The following NRXN1 variants were observed in gnomAD, a reference collection of about 807,000 sequenced individuals.
NRXN1 encodes the protein neurexin-1.
NRXN1 carries 39 observed loss-of-function variants against 150.9 expected under a neutral mutation model. The observed-to-expected ratio is 0.26, with a 90% CI of 0.20 to 0.34. The LOEUF is 0.34. Among genes scored for constraint, NRXN1 ranks in the 10% least tolerant of loss-of-function variants. The pLI, the probability that NRXN1 is intolerant of heterozygous loss-of-function variation, is 1.00. For missense variants in NRXN1, 1,815 were observed against 1,949.9 expected (o/e 0.93, Z 1.30); for synonymous variants, 924 against 757.0 (o/e 1.22, Z -3.62).
At chr2:50,101,418 C>G (rs1700965832) in intron 18 of NRXN1, among the ~76,000 whole-genome samples, 1 of 151,984 alleles carries the variant, frequency 6.6e-6, no homozygotes, top group East Asian at 1.9e-4. Flanking sequence ...TTGTGGATTT[C>G]ATTTACTTGT....
intron 19 of NRXN1, among the ~76,000 whole-genome samples, chr2:50,078,210 A>G (rs934053289): frequency 1.3e-5 from 2 of 152,088 alleles, no homozygotes; most frequent in African/African-American, 2.4e-5. Context: ...GAATAAATCT[A>G]CTTTTCCAAT....
intron 2 of NRXN1, among the ~76,000 whole-genome samples, chr2:51,011,655 A>G (rs922993948): frequency 2.0e-5 from 3 of 152,072 alleles, no homozygotes; most frequent in Non-Finnish European, 4.4e-5. Flanking sequence ...ATAAATAATG[A>G]CTGGCTTAGA....
intron 12 of NRXN1, among the ~76,000 whole-genome samples, chr2:50,527,074 T>C (rs1445460082): frequency 6.6e-6 from 1 of 152,236 alleles, no homozygotes; most frequent in Admixed American, 6.5e-5. Flanking sequence ...TGCATAGTTA[T>C]ATTTTGTAAA....
chr2:50,620,937 G>T, intron 7 of NRXN1: 1 of 366,390 alleles, frequency 2.7e-6, no homozygotes. Flanking sequence ...ACTCGGGCCA[G>T]CCACCATTTT....
intron 8 of NRXN1, among the ~76,000 whole-genome samples, chr2:50,563,690 T>C (rs1669449272): frequency 6.6e-6 from 1 of 152,224 alleles, no homozygotes; most frequent in East Asian, 1.9e-4. Flanking sequence ...CTCCAGAGCC[T>C]GAAATGGACT....
chr2:50,251,927 AT>A (rs1306870732), intron 17 of NRXN1, among the ~76,000 whole-genome samples: 2 of 152,002 alleles, frequency 1.3e-5, no homozygotes, highest in African/African-American at 4.8e-5. Flanking sequence ...TAGATTCTGG[AT>A]ATTAGACCTT....
chr2:50,452,940 A>T (rs1558757709), intron 17 of NRXN1, among the ~76,000 whole-genome samples: 1 of 152,244 alleles, frequency 6.6e-6, no homozygotes, highest in Non-Finnish European at 1.5e-5. Context: ...TAATGAGAAC[A>T]GGAACTTTTC....
intron 16 of NRXN1, among the ~76,000 whole-genome samples, chr2:50,467,895 C>T (rs2089069500): frequency 1.3e-5 from 2 of 151,532 alleles, no homozygotes; most frequent in East Asian, 1.9e-4. Flanking sequence ...GAAATAAGAA[C>T]CACTTAATTG....
chr2:49,989,143 A>T (rs192879607), intron 21 of NRXN1, among the ~76,000 whole-genome samples: 1 of 152,322 alleles, frequency 6.6e-6, no homozygotes, highest in East Asian at 1.9e-4. Flanking sequence ...TGAAAATCCA[A>T]GTCCAATGGC....
At chr2:49,999,581 A>G (rs1220193847) in intron 21 of NRXN1, among the ~76,000 whole-genome samples, 1 of 152,172 alleles carries the variant, frequency 6.6e-6, no homozygotes, top group Non-Finnish European at 1.5e-5. Context: ...TCAATTTTTC[A>G]AATAAGTAAT....
intron 17 of NRXN1, among the ~76,000 whole-genome samples, chr2:50,367,338 A>G (rs781268946): frequency 1.3e-5 from 2 of 152,072 alleles, no homozygotes; most frequent in African/African-American, 2.4e-5. Flanking sequence ...CACACTTTCA[A>G]CCAGGAGGTA....
At chr2:50,646,305 C>A (rs1684807911) in intron 5 of NRXN1, among the ~76,000 whole-genome samples, 1 of 152,022 alleles carries the variant, frequency 6.6e-6, no homozygotes, top group Non-Finnish European at 1.5e-5. Context: ...TTAGAACTTT[C>A]CTGAACTTTT....
chr2:50,097,461 T>A (rs1382122945), intron 18 of NRXN1, among the ~76,000 whole-genome samples: 1 of 152,164 alleles, frequency 6.6e-6, no homozygotes, highest in Non-Finnish European at 1.5e-5. Context: ...GTGAATGGAA[T>A]GTTTTGCTTC....
At chr2:50,483,596 T>C (rs2090640863) in intron 15 of NRXN1, among the ~76,000 whole-genome samples, 1 of 152,170 alleles carries the variant, frequency 6.6e-6, no homozygotes. Context: ...GTGGTTATTA[T>C]TATCCCTACC....
chr2:50,273,408 A>C lies in NRXN1; in HGVS notation c.3365-36438T>G, dbSNP rs371533387. On this transcript the variant is annotated intron_variant, in intron 17 of 22. Transcript: ENST00000401669. ...ACTTTCTTTTATTTGTCTATGTCTT[A>C]ACCCAAAACTCATGCAAAATTTTCC... Among the ~76,000 whole-genome samples the C allele has an allele frequency of 2.2e-4, 33 of 152,298 alleles. No individual in the cohort carries two copies. The East Asian group carries it at 4.4e-3, about 20-fold the overall frequency.
chr2:50,401,030 G>C (rs184809990), intron 17 of NRXN1, among the ~76,000 whole-genome samples: 27 of 152,106 alleles, frequency 1.8e-4, no homozygotes, highest in African/African-American at 6.5e-4. Context: ...AAATATTGTG[G>C]ACCTTTTCTG....
At chr2:50,699,847 T>C (rs1018121434) in intron 5 of NRXN1, among the ~76,000 whole-genome samples, 3 of 152,136 alleles carry the variant, frequency 2.0e-5, no homozygotes, top group African/African-American at 7.2e-5. Flanking sequence ...TGGCTATTTT[T>C]ACAGCAACCA....
intron 18 of NRXN1, among the ~76,000 whole-genome samples, chr2:50,226,371 T>G (rs1559128148): frequency 6.6e-6 from 1 of 151,926 alleles, no homozygotes; most frequent in Non-Finnish European, 1.5e-5. Context: ...AATGTGCCAG[T>G]AGAATAATGA....
chr2:50,358,629 G>T (rs1040737143), intron 17 of NRXN1, among the ~76,000 whole-genome samples: 11 of 152,218 alleles, frequency 7.2e-5, no homozygotes, highest in Admixed American at 7.2e-4. Flanking sequence ...AGAACACATG[G>T]GGGAAGGAGC....
Sources: allele counts gnomAD v4.1 joint callset (sites outside exome capture counted in the v4.1 genomes callset), GRCh38; gene constraint gnomAD v4.1.1; transcripts MANE v1.5; gene names NCBI Gene and HGNC (gene_info 2026-07-23, HGNC 2026-07-21).